The following AGAP3 variants were observed in gnomAD, a reference collection of about 807,000 sequenced individuals.
AGAP3 encodes ArfGAP with GTPase domain, ankyrin repeat and PH domain 3.
In AGAP3, 24 loss-of-function variants were observed where a neutral mutation model predicts 96.9. The ratio of observed to expected loss-of-function variants is 0.25; its 90% confidence interval spans 0.18 to 0.35. AGAP3 has a LOEUF of 0.35. Among genes scored for constraint, AGAP3 ranks in the 10% least tolerant of loss-of-function variants. The probability of loss-of-function intolerance (pLI) is 1.00; values close to 1 mark genes in which losing one functional copy is unlikely to be tolerated. For synonymous variants in AGAP3, 563 were observed against 536.1 expected (o/e 1.05, Z -0.69); for missense variants, 876 against 1,254.2 (o/e 0.70, Z 4.55).
chr7:151,123,902 C>T lies in AGAP3; in HGVS notation c.1221+16C>T, dbSNP rs773112740. The T allele has an allele frequency of 7.5e-6, 12 of 1,600,834 alleles. No individual in the cohort carries two copies. The highest frequency in any genetic ancestry group is 5.0e-5 in the Admixed American group (3 of 59,936). On this transcript the variant is annotated intron_variant, in intron 9 of 17. Coordinates refer to ENST00000397238, the MANE Select transcript of AGAP3 (RefSeq NM_031946.7). ...CATCAAGCAGGTCAGCGCCTCCCTTCCCGTGTGCTCCAGGGCTCAGAATGA... is the reference window on the plus strand; with the variant it reads ...CATCAAGCAGGTCAGCGCCTCCCTTTCCGTGTGCTCCAGGGCTCAGAATGA...
chr7:151,113,914 C>T (rs1799411776), intron 1 of AGAP3, among the ~76,000 whole-genome samples: 1 of 152,114 alleles, frequency 6.6e-6, no homozygotes, highest in African/African-American at 2.4e-5. Flanking sequence ...GAGCCAGTAC[C>T]GCAGGCTACC....
rs1020471174 is a variant in AGAP3 at position 151,123,395 on chromosome 7, C to G, written c.1129-399C>G. On this transcript the variant is annotated intron_variant, in intron 8 of 17. Transcript: ENST00000397238. ...GCCACGTGCCGTGTGGTGTCTGTGC[C>G]GCAGACGGGCCATCTGCCCGCTCAC... 7.4e-6 allele frequency: 8 copies of G among 1,077,536 alleles called. No homozygotes were observed. In the East Asian group the frequency reaches 4.5e-4, roughly 60 times the overall value. 66.7% of individuals were successfully genotyped at this position (1,077,536 alleles called of 1,614,324 possible). A position where few individuals can be genotyped will look rare whatever the true frequency, so the allele number is the denominator to read the frequency against.
At chr7:151,129,634 G>T (rs1422170994) in intron 10 of AGAP3, among the ~76,000 whole-genome samples, 1 of 152,184 alleles carries the variant, frequency 6.6e-6, no homozygotes, top group Admixed American at 6.5e-5. Context: ...TGGTACCTGG[G>T]AGACTGGAGG....
At chr7:151,137,271 C>T (rs1025040950) in intron 11 of AGAP3, among the ~76,000 whole-genome samples, 2 of 152,244 alleles carry the variant, frequency 1.3e-5, no homozygotes, top group East Asian at 1.9e-4. Context: ...CGGGCCCCTT[C>T]TCTGCTTTCC....
intron 1 of AGAP3, chr7:151,115,567 G>T: frequency 8.8e-7 from 1 of 1,139,630 alleles, no homozygotes; most frequent in South Asian, 4.2e-5. Context: ...TTCCGCCGGA[G>T]GGAGCCCGCG....
At chr7:151,098,833 A>G (rs901152959) in intron 1 of AGAP3, among the ~76,000 whole-genome samples, 3 of 148,006 alleles carry the variant, frequency 2.0e-5, no homozygotes, top group African/African-American at 7.6e-5. Flanking sequence ...TCCTTGGTTC[A>G]ATCAATTCCC....
In AGAP3 at chr7:151,141,889, C is replaced by T. The variant is rs201350240; in HGVS notation, c.1805-9C>T. On this transcript the variant is annotated splice_polypyrimidine_tract_variant and intron_variant, in intron 13 of 17. Coordinates refer to ENST00000397238, the MANE Select transcript of AGAP3 (RefSeq NM_031946.7). This position sits in a 1 kb window ranked among gnomAD's most constrained non-coding sequence, Gnocchi z 4.2. Reference sequence around the variant, plus strand: ...AGGAGCCCTGATGGCATAAACACCCCCCCAACAGAGGCAGAGGAGTCGTTT... The same window carrying T: ...AGGAGCCCTGATGGCATAAACACCCTCCCAACAGAGGCAGAGGAGTCGTTT... 4.9e-4 allele frequency: 792 copies of T among 1,614,142 alleles called. No homozygotes were observed. The highest frequency in any genetic ancestry group is 6.0e-4 in the Non-Finnish European group (711 of 1,180,010).
intron 1 of AGAP3, chr7:151,115,120 A>G: frequency 9.7e-7 from 1 of 1,034,676 alleles, no homozygotes; most frequent in Non-Finnish European, 1.2e-6. Context: ...ACCCGCGGGG[A>G]GCCGACTCCG....
chr7:151,123,402 G>T (rs770126478), intron 8 of AGAP3: 49 of 1,077,430 alleles, frequency 4.5e-5, no homozygotes, highest in Non-Finnish European at 5.3e-5. Flanking sequence ...TGCCGCAGAC[G>T]GGCCATCTGC....
At chr7:151,101,708 A>C (rs1798840869) in intron 1 of AGAP3, among the ~76,000 whole-genome samples, 1 of 152,158 alleles carries the variant, frequency 6.6e-6, no homozygotes, top group Admixed American at 6.5e-5. Context: ...GTGAGCAGGG[A>C]ACCTGGCATC....
intron 1 of AGAP3, among the ~76,000 whole-genome samples, chr7:151,104,288 G>A (rs1255656421): frequency 6.6e-6 from 1 of 152,158 alleles, no homozygotes; most frequent in Non-Finnish European, 1.5e-5. Context: ...CTTGTGTCAT[G>A]GATTTTGTTG....
intron 1 of AGAP3, among the ~76,000 whole-genome samples, chr7:151,115,958 G>C (rs1563468750): frequency 6.6e-6 from 1 of 152,190 alleles, no homozygotes; most frequent in South Asian, 2.1e-4. Context: ...TGTGCATGAG[G>C]TTAGGGACTG....
chr7:151,101,452 G>C (rs1314569681), intron 1 of AGAP3, among the ~76,000 whole-genome samples: 1 of 152,206 alleles, frequency 6.6e-6, no homozygotes, highest in Non-Finnish European at 1.5e-5. Flanking sequence ...GGTTCCTAAA[G>C]GTCTCAAGCT....
intron 1 of AGAP3, among the ~76,000 whole-genome samples, chr7:151,098,741 T>C (rs1798712702): frequency 6.7e-6 from 1 of 149,080 alleles, no homozygotes. Flanking sequence ...TTCTTTTTTT[T>C]TTTTTTTTTT....
chr7:151,090,193 G>A (rs960559440), intron 1 of AGAP3: 2 of 151,932 alleles, frequency 1.3e-5, no homozygotes, highest in Non-Finnish European at 2.9e-5. Context: ...GGGAGGAGCA[G>A]GGGCTTGGGG....
In AGAP3 at chr7:151,133,739, G is replaced by A. The variant is rs778191386; in HGVS notation, c.1327-661G>A. ...GATTACGCGAGGCTATACGTGGAATGTATAAATACACTGCTGTAGGATGGT... is the reference window on the plus strand; with the variant it reads ...GATTACGCGAGGCTATACGTGGAATATATAAATACACTGCTGTAGGATGGT... On this transcript the variant is annotated intron_variant, in intron 10 of 17. Transcript: ENST00000397238. The surrounding 1 kb of genome is among the most constrained non-coding windows in gnomAD (Gnocchi z 5.4). Among the ~76,000 whole-genome samples the A allele has an allele frequency of 2.0e-5, 3 of 152,190 alleles. No individual in the cohort carries two copies. Among genetic ancestry groups the A allele is most frequent in the Non-Finnish European group, 4.4e-5 (3 of 68,042 alleles).
Position 151,142,271 on chromosome 7 carries a change from G to A in AGAP3, c.2050+18G>A. ...TGCACCCAGTGAGTGCAAGGCTGGT[G>A]GGGCTGGGAGCTGGGGATGGCCCAG... is the stretch of plus-strand genomic sequence containing the variant. On this transcript the variant is annotated intron_variant, in intron 15 of 17. Transcript: ENST00000397238. This position sits in a 1 kb window ranked among gnomAD's most constrained non-coding sequence, Gnocchi z 7.5. 6.2e-7 allele frequency: 1 copy of A among 1,611,132 alleles called. No individual in the cohort carries two copies. Among genetic ancestry groups the A allele is most frequent in the South Asian group, 1.1e-5 (1 of 90,960 alleles).
rs1584779519 is a variant in AGAP3 at position 151,133,921 on chromosome 7, A to T, written c.1327-479A>T. 6.6e-6 allele frequency among the ~76,000 whole-genome samples: 1 copy of T among 152,210 alleles called. No homozygotes were observed. Among genetic ancestry groups the T allele is most frequent in the Non-Finnish European group, 1.5e-5 (1 of 68,028 alleles). ...TTAAACTGTTTGACAAGTGTTTATT[A>T]TCAGACACTGTCCTAAGGGCTGGGA... is the stretch of plus-strand genomic sequence containing the variant. On this transcript the variant is annotated intron_variant, in intron 10 of 17. Transcript: ENST00000397238. The surrounding 1 kb of genome is among the most constrained non-coding windows in gnomAD (Gnocchi z 5.4).
intron 9 of AGAP3, among the ~76,000 whole-genome samples, chr7:151,127,318 G>A (rs955997849): frequency 2.0e-5 from 3 of 152,176 alleles, no homozygotes; most frequent in Admixed American, 6.5e-5. Flanking sequence ...CATTCCTAAA[G>A]GAGATGCCAT....
Sources: gnomAD v4.1 joint callset for allele counts (sites outside exome capture counted in the v4.1 genomes callset) on GRCh38, gnomAD v4.1.1 for gene constraint, Gnocchi (gnomAD v3.1) non-coding constraint, MANE v1.5 for transcripts, NCBI Gene and HGNC (gene_info 2026-07-23, HGNC 2026-07-21) for gene names.